Variants in CLIC5 observed in about 807,000 individuals in gnomAD.
The protein encoded by CLIC5 is CLIC family member 5.
Under a neutral mutation model 24.7 loss-of-function variants are expected in CLIC5, and 20 were observed. The observed-to-expected ratio is 0.81, with a 90% CI of 0.57 to 1.18. The LOEUF (loss-of-function observed/expected upper bound fraction) is 1.18, where lower values mean the gene tolerates loss of function less well. Ranked by LOEUF, CLIC5 falls within the 50% of genes most tolerant of loss-of-function variation. The pLI, the probability that CLIC5 is intolerant of heterozygous loss-of-function variation, is 0.00. For synonymous variants in CLIC5, 159 were observed against 135.6 expected (o/e 1.17, Z -1.20); for missense variants, 341 against 326.1 (o/e 1.05, Z -0.35).
chr6:45,954,796 G>C (rs979765177), intron 2 of CLIC5, among the ~76,000 whole-genome samples: 6 of 152,222 alleles, frequency 3.9e-5, no homozygotes, highest in African/African-American at 1.4e-4. Flanking sequence ...GGGTCCCACG[G>C]ATGATGGCCT....
intron 1 of CLIC5, among the ~76,000 whole-genome samples, chr6:46,001,373 C>G (rs1170069021): frequency 6.6e-6 from 1 of 152,172 alleles, no homozygotes; most frequent in Non-Finnish European, 1.5e-5. Flanking sequence ...TCTGCCTGAG[C>G]TTAGCTGGGC....
intron 1 of CLIC5, among the ~76,000 whole-genome samples, chr6:46,071,637 A>G (rs1762600628): frequency 6.6e-6 from 1 of 152,112 alleles, no homozygotes; most frequent in South Asian, 2.1e-4. Flanking sequence ...TGTTGATTAG[A>G]GTGTAAGTTA....
the CLIC5 span, among the ~76,000 whole-genome samples, chr6:46,088,378 T>A: frequency 3.3e-5 from 5 of 152,184 alleles, no homozygotes; most frequent in Non-Finnish European, 5.9e-5. Context: ...TTTATAGTAC[T>A]CCACAAGAAA....
Position 45,994,364 on chromosome 6 carries a change from A to G in CLIC5, c.63+21116T>C, listed in dbSNP as rs375044062. ...AGGGACATGGATGAAGCTGGAAGCC[A>G]TTGTCCTCAGCAAACTAACACGGGA... On this transcript the variant is annotated intron_variant, in intron 1 of 5. Coordinates refer to ENST00000339561, the MANE Select transcript of CLIC5 (RefSeq NM_016929.5). 1.3e-4 allele frequency among the ~76,000 whole-genome samples: 20 copies of G among 152,320 alleles called. No homozygotes were observed. In the East Asian group the frequency reaches 3.9e-3, roughly 29 times the overall value.
At chr6:46,008,074 T>A (rs1766655061) in intron 1 of CLIC5, among the ~76,000 whole-genome samples, 2 of 152,096 alleles carry the variant, frequency 1.3e-5, no homozygotes, top group Admixed American at 6.6e-5. Flanking sequence ...AGTCCAGCTA[T>A]CAATCTTTCT....
intron 6 of CLIC5, among the ~76,000 whole-genome samples, chr6:45,887,785 A>G (rs1236457220): frequency 1.3e-5 from 2 of 152,216 alleles, no homozygotes; most frequent in Admixed American, 6.5e-5. Flanking sequence ...AACGCGTAAT[A>G]CACTCACATG....
intron 4 of CLIC5, among the ~76,000 whole-genome samples, chr6:45,925,620 A>G (rs150436808): frequency 6.6e-6 from 1 of 152,264 alleles, no homozygotes; most frequent in Non-Finnish European, 1.5e-5. Context: ...CAGCCTCATT[A>G]TTTCACTTTT....
chr6:46,086,426 C>T, the CLIC5 span, among the ~76,000 whole-genome samples: 2 of 152,010 alleles, frequency 1.3e-5, no homozygotes, highest in African/African-American at 4.8e-5. Context: ...GATAAGTGGA[C>T]AATTAGAGTG....
intron 1 of CLIC5, among the ~76,000 whole-genome samples, chr6:46,033,326 T>C (rs765403664): frequency 6.6e-6 from 1 of 152,042 alleles, no homozygotes; most frequent in Non-Finnish European, 1.5e-5. Context: ...TATGCAGACT[T>C]ATTTTCTTTA....
At chr6:45,914,540 C>A in intron 4 of CLIC5, 131 bp from the exon 5 acceptor site, 1 of 1,279,772 alleles carries the variant, frequency 7.8e-7, no homozygotes, top group East Asian at 2.9e-5. Flanking sequence ...CCACACACTG[C>A]AGAATACCTG....
downstream of CLIC5, among the ~76,000 whole-genome samples, chr6:45,895,229 T>C (rs149201160): frequency 5.0e-3 from 766 of 152,324 alleles, 8 homozygotes; most frequent in African/African-American, 0.017. Context: ...CAGATAATTC[T>C]AGGATTATAG....
chr6:45,927,574 C>T (rs553549456), intron 4 of CLIC5, among the ~76,000 whole-genome samples: 2 of 152,284 alleles, frequency 1.3e-5, no homozygotes, highest in South Asian at 4.2e-4. Flanking sequence ...CCAGGGAGAA[C>T]CACTGAAAAC....
At chr6:45,884,460 C>G (rs1230583654) in intron 6 of CLIC5, among the ~76,000 whole-genome samples, 1 of 152,190 alleles carries the variant, frequency 6.6e-6, no homozygotes, top group Non-Finnish European at 1.5e-5. Flanking sequence ...AAGGGGGCAG[C>G]GGAATATGTA....
chr6:45,929,063 C>T (rs1763623791), intron 4 of CLIC5, among the ~76,000 whole-genome samples: 1 of 152,084 alleles, frequency 6.6e-6, no homozygotes, highest in African/African-American at 2.4e-5. Context: ...GTCCAGGAGC[C>T]CACACAGCAA....
At chr6:46,069,625 A>G (rs1333690999) in intron 1 of CLIC5, among the ~76,000 whole-genome samples, 1 of 152,128 alleles carries the variant, frequency 6.6e-6, no homozygotes, top group Non-Finnish European at 1.5e-5. Flanking sequence ...AAAGATTCAC[A>G]GCTGAATCCT....
chr6:46,060,507 T>C (rs965505620), intron 1 of CLIC5, among the ~76,000 whole-genome samples: 1 of 152,182 alleles, frequency 6.6e-6, no homozygotes, highest in Admixed American at 6.5e-5. Context: ...CATTTAATCC[T>C]CACAGCAATC....
At chr6:46,122,537 A>G in the CLIC5 span, among the ~76,000 whole-genome samples, 2 of 152,230 alleles carry the variant, frequency 1.3e-5, no homozygotes, top group South Asian at 4.1e-4. Flanking sequence ...AAGAAAGAGC[A>G]GACACATTCA....
intron 1 of CLIC5, among the ~76,000 whole-genome samples, chr6:45,966,404 C>A (rs1483538113): frequency 1.3e-5 from 2 of 151,892 alleles, no homozygotes; most frequent in Admixed American, 1.3e-4. Context: ...CATCAGAATT[C>A]TTTTCCCTCA....
intron 1 of CLIC5, among the ~76,000 whole-genome samples, chr6:45,981,530 T>G (rs1224835022): frequency 2.0e-5 from 3 of 152,188 alleles, no homozygotes; most frequent in Admixed American, 6.5e-5. Context: ...TAATGGATAT[T>G]ACATTCCTTT....
Sources: gnomAD v4.1 joint callset for allele counts (sites outside exome capture counted in the v4.1 genomes callset) on GRCh38, gnomAD v4.1.1 for gene constraint, MANE v1.5 for transcripts, NCBI Gene and HGNC (gene_info 2026-07-23, HGNC 2026-07-21) for gene names.